TRIM66: variants seen among roughly 807,000 people sequenced by gnomAD.
The protein encoded by TRIM66 is tripartite motif containing 66.
In TRIM66, 99 loss-of-function variants were observed where a neutral mutation model predicts 148.2. The observed-to-expected ratio is 0.67, with a 90% confidence interval of 0.57 to 0.79. The LOEUF (loss-of-function observed/expected upper bound fraction) is 0.79, where lower values mean the gene tolerates loss of function less well. Among genes scored for constraint, TRIM66 ranks in the 30% least tolerant of loss-of-function variants. The pLI, the probability that TRIM66 is intolerant of heterozygous loss-of-function variation, is 0.00. For missense variants in TRIM66, 1,666 were observed against 1,697.9 expected (o/e 0.98, Z 0.33); for synonymous variants, 616 against 635.9 (o/e 0.97, Z 0.47).
chr11:8,620,468 C>A lies in TRIM66; in HGVS notation c.3650G>T (p.Gly1217Val). The A allele has an allele frequency of 6.4e-7, 1 of 1,551,752 alleles. No homozygotes were observed. Among genetic ancestry groups the A allele is most frequent in the Non-Finnish European group, 8.7e-7 (1 of 1,147,002 alleles). The change falls in exon 21 of 25, where the codon GGC (glycine) becomes GTC (valine). Residue 1217 changes from glycine to valine, a missense_variant. Transcript: ENST00000646038. Reference sequence around the variant, plus strand: ...TACCTTCTGGTCATACATGCTTAGGCCAGGAGATGCCCGCATTCCAGGCTG... The same window carrying A: ...TACCTTCTGGTCATACATGCTTAGGACAGGAGATGCCCGCATTCCAGGCTG... ...YNQPGMRASP[G>V]LSMYDQKKCE...
At position 8,640,679 on chromosome 11, in the gene TRIM66, G is replaced by A; in HGVS notation, c.1696C>T (p.Gln566Ter). 2 of 1,551,674 alleles carry A rather than the reference G, an allele frequency of 1.3e-6. No homozygotes were observed. The highest frequency in any genetic ancestry group is 1.7e-6 in the Non-Finnish European group (2 of 1,146,998). ...VCIVPPQDVQ[Q>*]GAHAQPTLQT... Reference sequence around the variant, plus strand: ...AAGGTGGGCTGGGCATGGGCTCCTTGCTGAACATCCTGTGGGGGGACAATG... The same window carrying A: ...AAGGTGGGCTGGGCATGGGCTCCTTACTGAACATCCTGTGGGGGGACAATG... Residue 566 changes from glutamine to a stop codon, truncating the protein, a stop_gained, in exon 14 of 25, where the codon CAA becomes TAA. Coordinates refer to ENST00000646038, the MANE Select transcript of TRIM66 (RefSeq NM_001388022.1). LOFTEE classifies it high-confidence loss of function.
At chr11:8,641,667 G>C (rs920059591) in intron 13 of TRIM66, among the ~76,000 whole-genome samples, 1 of 152,146 alleles carries the variant, frequency 6.6e-6, no homozygotes, top group African/African-American at 2.4e-5. Flanking sequence ...GTTTGGAGCT[G>C]TGTCCCCGCC....
intron 12 of TRIM66, among the ~76,000 whole-genome samples, chr11:8,645,483 C>T (rs2036766346): frequency 6.6e-6 from 1 of 152,220 alleles, no homozygotes; most frequent in African/African-American, 2.4e-5. Flanking sequence ...ACTTTCCCAA[C>T]TGAGCTACCT....
chr11:8,642,439 C>T (rs2036479002), intron 13 of TRIM66, among the ~76,000 whole-genome samples: 1 of 152,220 alleles, frequency 6.6e-6, no homozygotes, highest in Non-Finnish European at 1.5e-5. Context: ...GCTGTCAACA[C>T]AGGCACAACT....
chr11:8,623,015 TCATA>T (rs34386713), intron 17 of TRIM66, 139 bp from the exon 18 acceptor site: 414,679 of 692,588 alleles, frequency 0.6, 127,236 homozygotes, highest in Non-Finnish European at 0.64. Context: ...CTATAGTCAT[TCATA>T]CATAGTGGTG....
chr11:8,644,397 T>C, intron 12 of TRIM66: 1 of 453,608 alleles, frequency 2.2e-6, no homozygotes, highest in Non-Finnish European at 4.4e-6. Context: ...TTGGTGCTAC[T>C]TACCAATGTT....
Position 8,649,879 on chromosome 11 carries a change from A to T in TRIM66, c.453T>A (p.Ser151=), listed in dbSNP as rs1361918515. ...TEQPKMARNC[S]ECKEKRAAHI... is the part of the protein sequence containing the mutation. The stretch of plus-strand genomic sequence containing the variant: ...GTGCTGCCCTCTTCTCCTTGCACTC[A>T]GAGCAGTTCTGGAAGCAGAGAGTTC... Residue 151 remains serine, a synonymous_variant, in exon 8 of 25, where the codon TCT becomes TCA. Transcript: ENST00000646038. 1 of 1,551,170 alleles carries T rather than the reference A, an allele frequency of 6.4e-7. No individual in the cohort carries two copies. The highest frequency in any genetic ancestry group is 2.4e-5 in the East Asian group (1 of 40,892).
At chr11:8,672,649 C>A (rs940457912) in intron 4 of TRIM66, among the ~76,000 whole-genome samples, 1 of 136,070 alleles carries the variant, frequency 7.3e-6, no homozygotes. Context: ...GAGACAGGAT[C>A]TCACTCTGTG....
At position 8,625,322 on chromosome 11, in the gene TRIM66, C is replaced by T. The variant is rs149096175; in HGVS notation, c.2311-94G>A. On this transcript the variant is annotated intron_variant, in intron 15 of 24. Coordinates refer to ENST00000646038, the MANE Select transcript of TRIM66 (RefSeq NM_001388022.1). ...CCAACCCACAGGAACTCCCATGCTC[C>T]AATTCCACTCTGGCTTCAGAGTCTG... The T allele has an allele frequency of 1.9e-4, 261 of 1,394,012 alleles. 1 individual carries two copies. Among genetic ancestry groups the T allele is most frequent in the Admixed American group, 1.5e-3 (53 of 34,638 alleles). 86.4% of individuals were successfully genotyped at this position (1,394,012 alleles called of 1,614,324 possible). A position where few individuals can be genotyped will look rare whatever the true frequency, so the allele number is the denominator to read the frequency against.
intron 10 of TRIM66, among the ~76,000 whole-genome samples, chr11:8,646,959 G>A (rs1208088222): frequency 6.6e-6 from 1 of 151,182 alleles, no homozygotes; most frequent in Non-Finnish European, 1.5e-5. Context: ...TAGTTTCTGA[G>A]GGCCGGGGGG....
intron 15 of TRIM66, among the ~76,000 whole-genome samples, chr11:8,631,236 A>C (rs2035366160): frequency 2.0e-5 from 3 of 152,176 alleles, no homozygotes; most frequent in Non-Finnish European, 1.5e-5. Context: ...CCTAGTAAGA[A>C]ATGATTGAGA....
In TRIM66 at chr11:8,617,458, A is replaced by C. The variant is rs1170207761; in HGVS notation, c.*486T>G. The C allele has an allele frequency of 6.4e-6, 1 of 156,902 alleles. No homozygotes were observed. The highest frequency in any genetic ancestry group is 1.4e-5 in the Non-Finnish European group (1 of 71,104). 9.7% of individuals were successfully genotyped at this position (156,902 alleles called of 1,614,324 possible). A position where few individuals can be genotyped will look rare whatever the true frequency, so the allele number is the denominator to read the frequency against. Reference sequence around the variant, plus strand: ...CTATCCAGACAGGACAAGCAAAGGCAAACAGTGACAGTCTTTGGCTGTGCT... The same window carrying C: ...CTATCCAGACAGGACAAGCAAAGGCCAACAGTGACAGTCTTTGGCTGTGCT... On this transcript the variant is annotated 3_prime_UTR_variant, in exon 25 of 25. Coordinates refer to ENST00000646038, the MANE Select transcript of TRIM66 (RefSeq NM_001388022.1).
intron 15 of TRIM66, among the ~76,000 whole-genome samples, chr11:8,629,437 A>G (rs2035183585): frequency 1.3e-5 from 2 of 152,220 alleles, no homozygotes; most frequent in African/African-American, 4.8e-5. Context: ...GCCAAGCATT[A>G]AGAGCACTAA....
chr11:8,618,586 G>A (rs751197238), intron 24 of TRIM66, 164 bp downstream of exon 24: 137 of 661,668 alleles, frequency 2.1e-4, no homozygotes, highest in South Asian at 2.8e-4. Flanking sequence ...GATGGGCCCT[G>A]TACTGCCCTG....
rs2033645290 is a variant in TRIM66, at chr11:8,615,163, A to G, written c.*2781T>C. On this transcript the variant is annotated 3_prime_UTR_variant, in exon 25 of 25. Coordinates refer to ENST00000646038, the MANE Select transcript of TRIM66 (RefSeq NM_001388022.1). The stretch of plus-strand genomic sequence containing the variant: ...AGGCTGGTCTCGAACTGCTGTCCTT[A>G]GGTGATCCACCCACCTCAGCCTCCC... 1 of 152,234 alleles carries G rather than the reference A, an allele frequency of 6.6e-6. No individual in the cohort carries two copies. The highest frequency in any genetic ancestry group is 6.5e-5 in the Admixed American group (1 of 15,278). 9.4% of individuals were successfully genotyped at this position (152,234 alleles called of 1,614,324 possible).
intron 15 of TRIM66, among the ~76,000 whole-genome samples, chr11:8,633,092 G>A (rs559040242): frequency 7.2e-5 from 11 of 152,316 alleles, no homozygotes; most frequent in African/African-American, 2.6e-4. Flanking sequence ...AAGGCTTGGA[G>A]ACTCAGGAGA....
At chr11:8,683,158 G>T (rs771806530), upstream of TRIM66, 2 of 1,589,360 alleles carry the variant, frequency 1.3e-6, no homozygotes, top group South Asian at 1.1e-5. Flanking sequence ...ATCGCCCCCT[G>T]CCCCTAATTC....
intron 3 of TRIM66, among the ~76,000 whole-genome samples, chr11:8,675,318 A>G (rs1227619844): frequency 6.6e-6 from 1 of 152,264 alleles, no homozygotes; most frequent in Non-Finnish European, 1.5e-5. Context: ...GGCAACAAAT[A>G]CTGTCAATTC....
At chr11:8,645,603 G>T in intron 12 of TRIM66, 138 bp downstream of exon 12, 2 of 998,514 alleles carry the variant, frequency 2.0e-6, no homozygotes, top group Non-Finnish European at 2.9e-6. Context: ...TTGAAGGATG[G>T]ATGGAGCTGC....
Sources: gnomAD v4.1 joint callset for allele counts (sites outside exome capture counted in the v4.1 genomes callset) on GRCh38, gnomAD v4.1.1 for gene constraint, MANE v1.5 for transcripts, NCBI Gene and HGNC (gene_info 2026-07-23, HGNC 2026-07-21) for gene names.